The following CPNE1 variants were observed in gnomAD, a reference collection of about 807,000 sequenced individuals.
CPNE1 encodes the protein copine-1.
In CPNE1, 58 loss-of-function variants were observed where a neutral mutation model predicts 63.2. The ratio of observed to expected loss-of-function variants is 0.92; its 90% CI spans 0.74 to 1.14. The LOEUF is 1.14. CPNE1 is among the 50% of genes most tolerant of loss of function. The pLI is 0.00. For synonymous variants in CPNE1, 237 were observed against 249.0 expected (o/e 0.95, Z 0.45); for missense variants, 672 against 661.7 (o/e 1.02, Z -0.17).
chr20:35,627,468 A>G (rs1018579147), intron 13 of CPNE1, 55 bp from the exon 14 acceptor site: 3 of 1,572,042 alleles, frequency 1.9e-6, no homozygotes, highest in Non-Finnish European at 2.6e-6. Flanking sequence ...GGACTACACC[A>G]GTCCTGAAAT....
Position 35,652,915 on chromosome 20 carries a change from G to A in CPNE1, c.-1+11845C>T, listed in dbSNP as rs780233227. 6.8e-6 allele frequency: 11 copies of A among 1,613,586 alleles called. No homozygotes were observed. The highest frequency in any genetic ancestry group is 2.7e-5 in the African/African-American group (2 of 74,934). On this transcript the variant is annotated intron_variant, in intron 1 of 15. Transcript: ENST00000397443. Reference sequence around the variant, plus strand: ...ACCAGGAGGGCCACTTCCAAACCCCGGGGGACCGCCTAAGCTACCAGGGCC... The same window carrying A: ...ACCAGGAGGGCCACTTCCAAACCCCAGGGGACCGCCTAAGCTACCAGGGCC...
At chr20:35,626,416 G>A (rs1359937510) in intron 15 of CPNE1, 35 bp from the exon 16 acceptor site, 2 of 1,611,134 alleles carry the variant, frequency 1.2e-6, no homozygotes, top group South Asian at 2.2e-5. Flanking sequence ...TGGTGGCCCA[G>A]AACAGCTGCC....
chr20:35,634,657 C>A (rs990503727), intron 1 of CPNE1, among the ~76,000 whole-genome samples: 1 of 152,082 alleles, frequency 6.6e-6, no homozygotes, highest in Admixed American at 6.6e-5. Context: ...CTGGAAGGTC[C>A]AGATTTCTTT....
rs759366778 is a variant in CPNE1 at position 35,655,263 on chromosome 20, G to C, written c.-1+9497C>G. The C allele has an allele frequency of 1.9e-6, 3 of 1,612,690 alleles. No individual in the cohort carries two copies. In the African/African-American group the frequency reaches 4.0e-5, roughly 22 times the overall value. The stretch of plus-strand genomic sequence containing the variant: ...GAATGGTCAATCCAGAGAAGAAGTG[G>C]CGAATGTCCATGGTCCCCGCCACAA... On this transcript the variant is annotated intron_variant, in intron 1 of 15. Coordinates refer to ENST00000397443, the MANE Select transcript of CPNE1 (RefSeq NM_152925.3).
At chr20:35,638,992 C>T (rs564673008) in intron 1 of CPNE1, among the ~76,000 whole-genome samples, 2 of 151,772 alleles carry the variant, frequency 1.3e-5, no homozygotes, top group East Asian at 1.9e-4. Flanking sequence ...GAAAGGGAAA[C>T]GTTCTTAGCA....
At chr20:35,640,460 T>C (rs955939965) in intron 1 of CPNE1, among the ~76,000 whole-genome samples, 2 of 152,040 alleles carry the variant, frequency 1.3e-5, no homozygotes, top group African/African-American at 2.4e-5. Flanking sequence ...ATAAAAAAAA[T>C]TTGTCATTTA....
chr20:35,656,047 T>C (rs1348448934), intron 1 of CPNE1, among the ~76,000 whole-genome samples: 1 of 152,208 alleles, frequency 6.6e-6, no homozygotes, highest in Non-Finnish European at 1.5e-5. Flanking sequence ...AACTACTGAA[T>C]AGGACAGCTA....
rs1475251605 is a variant in CPNE1 at position 35,630,578 on chromosome 20, G to A, written c.1051-88C>T. 3 of 1,492,666 alleles carry A rather than the reference G, an allele frequency of 2.0e-6. No individual in the cohort carries two copies. The African/African-American group carries it at 4.1e-5, about 21-fold the overall frequency. 92.5% of individuals were successfully genotyped at this position (1,492,666 alleles called of 1,614,324 possible). A position where few individuals can be genotyped will look rare whatever the true frequency, so the allele number is the denominator to read the frequency against. On this transcript the variant is annotated intron_variant, in intron 12 of 15. Transcript: ENST00000397443. Reference sequence around the variant, plus strand: ...ACTGGCGTGTGCCAAGATTCCTATAGGAGCTATGGAGTCCTGAGCACTTGC... The same window carrying A: ...ACTGGCGTGTGCCAAGATTCCTATAAGAGCTATGGAGTCCTGAGCACTTGC...
intron 14 of CPNE1, 80 bp from the exon 15 acceptor site, chr20:35,626,883 C>T: frequency 2.6e-6 from 3 of 1,165,752 alleles, no homozygotes; most frequent in East Asian, 2.3e-5. Context: ...CATCCCCACA[C>T]TCATAAGAAG....
chr20:35,639,583 G>A (rs562282177), intron 1 of CPNE1, among the ~76,000 whole-genome samples: 87 of 152,264 alleles, frequency 5.7e-4, no homozygotes, highest in African/African-American at 1.8e-3. Flanking sequence ...TGATCCGCCC[G>A]CCTTGGCCTC....
At position 35,626,348 on chromosome 20, in the gene CPNE1, C is replaced by T. The variant is rs774263481; in HGVS notation, c.1507G>A (p.Ala503Thr). The T allele has an allele frequency of 5.6e-6, 9 of 1,614,098 alleles. No homozygotes were observed. The highest frequency in any genetic ancestry group is 1.7e-5 in the Admixed American group (1 of 60,018). Residue 503 changes from alanine (A) to threonine (T), a missense_variant, in exon 16 of 16, where the codon GCA becomes ACA. By Grantham distance (58) the Ala-to-Thr change is moderately conservative. Coordinates refer to ENST00000397443, the MANE Select transcript of CPNE1 (RefSeq NM_152925.3). Reference protein sequence around the residue: ...PREALAQTVLAEVPTQLVSYF... With the variant: ...PREALAQTVLTEVPTQLVSYF... The stretch of plus-strand genomic sequence containing the variant: ...GAGACCAGTTGTGTGGGCACTTCTG[C>T]GAGCACGGTCTGTGCCAATGCCTCC...
At chr20:35,652,731 G>A (rs6121014) in intron 1 of CPNE1, 1 of 1,613,868 alleles carries the variant, frequency 6.2e-7, no homozygotes, top group East Asian at 2.2e-5. Context: ...ACACAGTAAA[G>A]GGCATGTTTT....
intron 1 of CPNE1, among the ~76,000 whole-genome samples, chr20:35,635,177 C>CAT (rs988959189): frequency 1.6e-4 from 24 of 152,048 alleles, no homozygotes; most frequent in Admixed American, 9.2e-4. Flanking sequence ...TTTATATATA[C>CAT]ATATATATAT....
chr20:35,626,900 G>T, intron 14 of CPNE1, 97 bp from the exon 15 acceptor site: 1 of 1,036,316 alleles, frequency 9.6e-7, no homozygotes, highest in Non-Finnish European at 1.5e-6. Flanking sequence ...GAAGTCCCTT[G>T]TTACAGGCCG....
intron 1 of CPNE1, among the ~76,000 whole-genome samples, chr20:35,637,761 C>A (rs979867287): frequency 2.0e-5 from 3 of 152,280 alleles, no homozygotes; most frequent in South Asian, 4.2e-4. Flanking sequence ...TAAGATAAAA[C>A]CCAAAGTTCT....
In CPNE1 at chr20:35,654,815, T is replaced by C. The variant is rs201755733; in HGVS notation, c.-1+9945A>G. The C allele has an allele frequency of 8.5e-5, 137 of 1,614,112 alleles. No individual in the cohort carries two copies. Among genetic ancestry groups the C allele is most frequent in the South Asian group, 8.8e-5 (8 of 91,088 alleles). On this transcript the variant is annotated intron_variant, in intron 1 of 15. Transcript: ENST00000397443. ...GTGCTTGGAACAGTTGAGCTAAACGTTGGGCTCCCAAAGGAAGCCCCCATA... is the reference window on the plus strand; with the variant it reads ...GTGCTTGGAACAGTTGAGCTAAACGCTGGGCTCCCAAAGGAAGCCCCCATA...
intron 7 of CPNE1, 25 bp downstream of exon 7, chr20:35,631,663 T>C: frequency 6.2e-7 from 1 of 1,612,364 alleles, no homozygotes; most frequent in Non-Finnish European, 8.5e-7. Flanking sequence ...TCCAGCGCAG[T>C]CCACTTAGGG....
chr20:35,655,211 C>T (rs2033824780), intron 1 of CPNE1: 1 of 1,614,112 alleles, frequency 6.2e-7, no homozygotes, highest in Non-Finnish European at 8.5e-7. Context: ...CCCAGTTCAC[C>T]CCCTACAATA....
chr20:35,659,933 C>T lies in CPNE1; in HGVS notation c.-1+4827G>A, dbSNP rs544957542. On this transcript the variant is annotated intron_variant, in intron 1 of 15. Coordinates refer to ENST00000397443, the MANE Select transcript of CPNE1 (RefSeq NM_152925.3). ...TCAGTATTAAGATTACCTACGACTA[C>T]TTTTCCAAATGATGCTCATCTTAAA... Among the ~76,000 whole-genome samples the T allele has an allele frequency of 1.3e-4, 20 of 152,298 alleles. No homozygotes were observed. In the East Asian group the frequency reaches 3.7e-3, roughly 28 times the overall value.
Sources: gnomAD v4.1 joint callset for allele counts (sites outside exome capture counted in the v4.1 genomes callset) on GRCh38, gnomAD v4.1.1 for gene constraint, MANE v1.5 for transcripts, NCBI Gene and HGNC (gene_info 2026-07-23, HGNC 2026-07-21) for gene names.